The following PELI1 variants were observed in gnomAD, a reference collection of about 807,000 sequenced individuals.
The protein encoded by PELI1 is pellino E3 ubiquitin protein ligase 1, also known as E3 ubiquitin-protein ligase pellino homolog 1.
A neutral mutation model predicts 41.3 loss-of-function variants in PELI1; 15 were observed. The ratio of observed to expected loss-of-function variants is 0.36; its 90% CI spans 0.24 to 0.56. The LOEUF (loss-of-function observed/expected upper bound fraction) is 0.56, where lower values mean the gene tolerates loss of function less well. Among genes scored for constraint, PELI1 ranks in the 20% least tolerant of loss-of-function variants. PELI1 has a pLI of 0.82. For missense variants in PELI1, 403 were observed against 525.5 expected (o/e 0.77, Z 2.28); for synonymous variants, 178 against 180.1 (o/e 0.99, Z 0.09).
In PELI1 at chr2:64,095,009, T is replaced by C. The variant is rs202105220; in HGVS notation, c.950A>G (p.Tyr317Cys). The stretch of plus-strand genomic sequence containing the variant: ...TTCTTCTTTGTTTCCCCAGTTATGA[T>C]AGCCATGTACATGGCCGCAGTTTAG... ...VYLNCGHVHG[Y>C]HNWGNKEERD... The change falls in exon 7 of 7, where the codon TAT becomes TGT. Residue 317 changes from tyrosine (Y) to cysteine (C), a missense_variant. Physicochemically the swap from Tyr to Cys is radical, Grantham distance 194. Transcript: ENST00000358912. 16 of 1,614,208 alleles carry C rather than the reference T, an allele frequency of 9.9e-6. No homozygotes were observed. Among genetic ancestry groups the C allele is most frequent in the East Asian group, 2.2e-5 (1 of 44,888 alleles).
intron 2 of PELI1, among the ~76,000 whole-genome samples, chr2:64,105,297 A>C (rs987281389): frequency 2.6e-5 from 4 of 152,216 alleles, no homozygotes; most frequent in African/African-American, 9.6e-5. Flanking sequence ...AGGAATTTTT[A>C]GATTTGTTAA....
chr2:64,120,168 G>C (rs149929996), intron 1 of PELI1, among the ~76,000 whole-genome samples: 16 of 152,298 alleles, frequency 1.1e-4, no homozygotes, highest in African/African-American at 3.6e-4. Context: ...GATTGGACAA[G>C]CTTAATCAAA....
intron 1 of PELI1, among the ~76,000 whole-genome samples, chr2:64,119,747 T>G (rs1681144626): frequency 6.6e-6 from 1 of 152,182 alleles, no homozygotes; most frequent in African/African-American, 2.4e-5. Context: ...AGAAAGAGTA[T>G]GATATTCCAT....
intron 1 of PELI1, among the ~76,000 whole-genome samples, chr2:64,129,019 C>T (rs571310721): frequency 6.6e-6 from 1 of 152,248 alleles, no homozygotes; most frequent in South Asian, 2.1e-4. Flanking sequence ...GTTTACTGAG[C>T]CAACTATCTA....
At chr2:64,117,227 T>C (rs1347473960) in intron 1 of PELI1, among the ~76,000 whole-genome samples, 3 of 152,352 alleles carry the variant, frequency 2.0e-5, no homozygotes, top group Non-Finnish European at 4.4e-5. Flanking sequence ...TTTATGGTGA[T>C]GCTGCTCCAT....
At chr2:64,132,916 A>C (rs1681600375) in intron 1 of PELI1, among the ~76,000 whole-genome samples, 1 of 152,194 alleles carries the variant, frequency 6.6e-6, no homozygotes, top group Non-Finnish European at 1.5e-5. Context: ...TATGATCCTT[A>C]GGTAATTTGT....
chr2:64,110,037 G>C (rs1680753840), intron 1 of PELI1, among the ~76,000 whole-genome samples: 1 of 152,088 alleles, frequency 6.6e-6, no homozygotes, highest in South Asian at 2.1e-4. Context: ...TTGATGTCAG[G>C]AGTTCGAGAC....
chr2:64,137,834 T>C (rs1681767017), intron 1 of PELI1, among the ~76,000 whole-genome samples: 1 of 152,202 alleles, frequency 6.6e-6, no homozygotes, highest in Admixed American at 6.5e-5. Context: ...ATGAGCTATT[T>C]TCACGTGTGG....
chr2:64,107,029 A>C (rs1326582299), intron 2 of PELI1, among the ~76,000 whole-genome samples: 1 of 152,122 alleles, frequency 6.6e-6, no homozygotes, highest in Non-Finnish European at 1.5e-5. Context: ...CCTGGGTTCA[A>C]GTGATTCTCC....
chr2:64,101,012 G>A (rs1192586895), intron 3 of PELI1, among the ~76,000 whole-genome samples: 3 of 152,164 alleles, frequency 2.0e-5, no homozygotes, highest in Non-Finnish European at 2.9e-5. Flanking sequence ...TTATAGGCGT[G>A]AGCCACTGCG....
chr2:64,102,301 A>G (rs1030179495), intron 3 of PELI1, among the ~76,000 whole-genome samples: 16 of 152,062 alleles, frequency 1.1e-4, no homozygotes, highest in African/African-American at 3.9e-4. Flanking sequence ...ATACTATATA[A>G]TTGTTTTACA....
At chr2:64,114,270 C>T (rs1007396885) in intron 1 of PELI1, among the ~76,000 whole-genome samples, 2 of 152,056 alleles carry the variant, frequency 1.3e-5, no homozygotes, top group African/African-American at 2.4e-5. Flanking sequence ...AGTATGTTTG[C>T]GGTGGAACCA....
At chr2:64,097,981 A>C (rs1412467996) in intron 4 of PELI1, among the ~76,000 whole-genome samples, 3 of 152,210 alleles carry the variant, frequency 2.0e-5, no homozygotes, top group Non-Finnish European at 4.4e-5. Context: ...AAGGCTCTTT[A>C]AAAGCTAAAA....
intron 1 of PELI1, among the ~76,000 whole-genome samples, chr2:64,110,263 A>AG (rs1405942171): frequency 1.4e-5 from 2 of 145,616 alleles, no homozygotes; most frequent in African/African-American, 5.3e-5. Flanking sequence ...AAAAAAAAAA[A>AG]AAAAAGAAAA....
intron 1 of PELI1, among the ~76,000 whole-genome samples, chr2:64,143,852 G>T (rs1223227374): frequency 6.6e-6 from 1 of 151,794 alleles, no homozygotes; most frequent in Non-Finnish European, 1.5e-5. Flanking sequence ...CGGGCGGAGG[G>T]GGAGGCCGCG....
At chr2:64,104,465 T>G in intron 3 of PELI1, 1 of 434,408 alleles carries the variant, frequency 2.3e-6, no homozygotes, top group African/African-American at 2.0e-5. Flanking sequence ...AAACAGAGTG[T>G]TTCCTTCTAA....
At chr2:64,138,576 A>T (rs1216624661) in intron 1 of PELI1, among the ~76,000 whole-genome samples, 2 of 151,320 alleles carry the variant, frequency 1.3e-5, no homozygotes, top group Non-Finnish European at 2.9e-5. Flanking sequence ...AAAATACAAA[A>T]CTCTACTGGG....
rs572174657 is a variant in PELI1 at position 64,134,439 on chromosome 2, T to G, written c.-70+9642A>C. On this transcript the variant is annotated intron_variant, in intron 1 of 6. Transcript: ENST00000358912. ...CAGGGCTAGTTCAGAAACTGAATCA[T>G]CCTATTTTAAATGAAAGTAACAGTA... 3.3e-5 allele frequency among the ~76,000 whole-genome samples: 5 copies of G among 152,288 alleles called. No homozygotes were observed. The East Asian group carries it at 9.6e-4, about 29-fold the overall frequency.
At chr2:64,130,698 T>G (rs1201982753) in intron 1 of PELI1, among the ~76,000 whole-genome samples, 1 of 152,168 alleles carries the variant, frequency 6.6e-6, no homozygotes, top group African/African-American at 2.4e-5. Context: ...TTCATTTTAA[T>G]TTGGTGCATA....
Sources: gnomAD v4.1 joint callset for allele counts (sites outside exome capture counted in the v4.1 genomes callset) on GRCh38, gnomAD v4.1.1 for gene constraint, MANE v1.5 for transcripts, NCBI Gene and HGNC (gene_info 2026-07-23, HGNC 2026-07-21) for gene names.